SESTD1: variants seen among roughly 807,000 people sequenced by gnomAD.
The protein encoded by SESTD1 is SEC14 and spectrin domain containing 1.
A neutral mutation model predicts 101.7 loss-of-function variants in SESTD1; 43 were observed. That is an observed-to-expected ratio of 0.42 (90% CI 0.33 to 0.55). SESTD1 has a LOEUF of 0.55. Among genes scored for constraint, SESTD1 ranks in the 20% least tolerant of loss-of-function variants. The pLI is 0.07. For missense variants in SESTD1, 647 were observed against 815.1 expected, an observed-to-expected ratio of 0.79 and a Z score of 2.51; for synonymous variants, 283 against 286.8, an observed-to-expected ratio of 0.99 and a Z score of 0.13.
At chr2:179,229,366 C>T (rs2046940889) in intron 1 of SESTD1, among the ~76,000 whole-genome samples, 1 of 151,928 alleles carries the variant, frequency 6.6e-6, no homozygotes, top group South Asian at 2.1e-4. Context: ...TTTCTCCTAC[C>T]CTTGGGCTGG....
chr2:179,142,229 G>C (rs569353381), intron 9 of SESTD1, among the ~76,000 whole-genome samples: 1 of 152,170 alleles, frequency 6.6e-6, no homozygotes, highest in Admixed American at 6.5e-5. Flanking sequence ...AAGACCGTAT[G>C]GTCCACAAAG....
intron 4 of SESTD1, among the ~76,000 whole-genome samples, chr2:179,172,578 G>T (rs1003273373): frequency 1.3e-5 from 2 of 152,088 alleles, no homozygotes; most frequent in African/African-American, 2.4e-5. Context: ...TCTACAGTAT[G>T]AAAAATTTTT....
chr2:179,171,532 A>T (rs760205071), intron 5 of SESTD1, among the ~76,000 whole-genome samples: 14 of 152,164 alleles, frequency 9.2e-5, no homozygotes, highest in Non-Finnish European at 1.8e-4. Context: ...AAAGTCTGTT[A>T]TTTATCAACT....
chr2:179,159,071 G>C (rs940136776), intron 5 of SESTD1, among the ~76,000 whole-genome samples: 1 of 152,146 alleles, frequency 6.6e-6, no homozygotes, highest in African/African-American at 2.4e-5. Context: ...CATTCTTTTA[G>C]AAAAAGAATG....
intron 4 of SESTD1, among the ~76,000 whole-genome samples, chr2:179,173,028 CCT>C (rs2045952500): frequency 1.3e-5 from 2 of 152,174 alleles, no homozygotes; most frequent in African/African-American, 4.8e-5. Context: ...AGCTCAGGCC[CCT>C]GTTGGCCTCT....
intron 1 of SESTD1, among the ~76,000 whole-genome samples, chr2:179,193,089 C>T (rs1030426266): frequency 6.6e-6 from 1 of 151,994 alleles, no homozygotes; most frequent in African/African-American, 2.4e-5. Context: ...CCAGAAACAG[C>T]CCTGCTCTAG....
rs187324258 is a variant in SESTD1 at position 179,130,982 on chromosome 2, G to T, written c.972+1322C>A. On this transcript the variant is annotated intron_variant, in intron 10 of 17. Coordinates refer to ENST00000428443, the MANE Select transcript of SESTD1 (RefSeq NM_178123.5). ...AGGAAGAACCATTATGTTGGAACCT[G>T]TGAAATGCATAAAATAAATCGATTT... Among the ~76,000 whole-genome samples the T allele has an allele frequency of 2.0e-3, 307 of 151,086 alleles. 1 individual carries two copies. Among genetic ancestry groups the T allele is most frequent in the African/African-American group, 7.0e-3 (285 of 40,526 alleles).
At position 179,116,777 on chromosome 2, in the gene SESTD1, A is replaced by T; in HGVS notation, c.1538T>A (p.Leu513Gln). 1 of 1,613,946 alleles carries T rather than the reference A, an allele frequency of 6.2e-7. No individual in the cohort carries two copies. Among genetic ancestry groups the T allele is most frequent in the Non-Finnish European group, 8.5e-7 (1 of 1,179,854 alleles). The change falls in exon 15 of 18, where the codon CTA becomes CAA. Residue 513 changes from leucine (L) to glutamine (Q), a missense_variant. Leu to Gln is a moderately radical substitution (Grantham distance 113). Around this residue, in one of 3 missense-constraint regions of SESTD1, gnomAD observed 476 missense variants for 562.6 expected, o/e 0.85. Coordinates refer to ENST00000428443, the MANE Select transcript of SESTD1 (RefSeq NM_178123.5). ...EEDAAQAVEW[L>Q]SELLDALLKT... The stretch of plus-strand genomic sequence containing the variant: ...AAGCAGAGCATCCAGAAGTTCACTT[A>T]GCCATTCTACTGCCTAAACAAAAAG...
intron 1 of SESTD1, among the ~76,000 whole-genome samples, chr2:179,243,564 A>G (rs2047185134): frequency 6.6e-6 from 1 of 152,218 alleles, no homozygotes; most frequent in Non-Finnish European, 1.5e-5. Flanking sequence ...GTACCATGGA[A>G]TACTATGTAG....
In SESTD1 at chr2:179,146,382, A is replaced by T. The variant is rs766386055; in HGVS notation, c.637+20T>A. 2.5e-6 allele frequency: 4 copies of T among 1,590,584 alleles called. No individual in the cohort carries two copies. In the Admixed American group the frequency reaches 5.1e-5, roughly 20 times the overall value. ...AATTGGTTTACTGGATTATTATCAC[A>T]AATATTTTTTAAATCTTACCTGTCT... is the stretch of plus-strand genomic sequence containing the variant. On this transcript the variant is annotated intron_variant, in intron 8 of 17. Coordinates refer to ENST00000428443, the MANE Select transcript of SESTD1 (RefSeq NM_178123.5).
chr2:179,183,068 C>A lies in SESTD1; in HGVS notation c.164+12G>T. 1 of 1,567,740 alleles carries A rather than the reference C, an allele frequency of 6.4e-7. No individual in the cohort carries two copies. Among genetic ancestry groups the A allele is most frequent in the Non-Finnish European group, 8.7e-7 (1 of 1,151,642 alleles). ...CATACTGAGATTTAAGAAAAGACACCTTTAGAGTCACCTTGGAATGCTGAG... is the reference window on the plus strand; with the variant it reads ...CATACTGAGATTTAAGAAAAGACACATTTAGAGTCACCTTGGAATGCTGAG... On this transcript the variant is annotated intron_variant, in intron 3 of 17. Transcript: ENST00000428443.
chr2:179,102,479 C>T lies in SESTD1; in HGVS notation c.*7420G>A, dbSNP rs2044292533. The T allele has an allele frequency of 6.6e-6, 1 of 151,956 alleles. No homozygotes were observed. Among genetic ancestry groups the T allele is most frequent in the African/African-American group, 2.4e-5 (1 of 41,356 alleles). 9.4% of individuals were successfully genotyped at this position (151,956 alleles called of 1,614,324 possible). On this transcript the variant is annotated 3_prime_UTR_variant, in exon 18 of 18. Transcript: ENST00000428443. ...AAATCAAACTTATTGTCCAAAGTGA[C>T]AATATATCAAAGAAATACATACCAA...
At position 179,104,061 on chromosome 2, in the gene SESTD1, A is replaced by C. The variant is rs938995052; in HGVS notation, c.*5838T>G. 2 of 152,158 alleles carry C rather than the reference A, an allele frequency of 1.3e-5. No individual in the cohort carries two copies. Among genetic ancestry groups the C allele is most frequent in the African/African-American group, 2.4e-5 (1 of 41,440 alleles). The allele number at this position is 152,158 out of a possible 1,614,324, so 9.4% of individuals were successfully genotyped here. The stretch of plus-strand genomic sequence containing the variant: ...TTTAATGTATTTGATAATTTTCATA[A>C]CAAGATGTTGGGTAAAAATACAGGG... On this transcript the variant is annotated 3_prime_UTR_variant, in exon 18 of 18. Coordinates refer to ENST00000428443, the MANE Select transcript of SESTD1 (RefSeq NM_178123.5).
chr2:179,179,974 C>A (rs2046078547), intron 3 of SESTD1, among the ~76,000 whole-genome samples: 1 of 152,136 alleles, frequency 6.6e-6, no homozygotes, highest in African/African-American at 2.4e-5. Flanking sequence ...GTAGGGTCTG[C>A]CTCTCCTTTC....
intron 1 of SESTD1, among the ~76,000 whole-genome samples, chr2:179,255,402 G>A (rs1170322609): frequency 6.6e-6 from 1 of 152,196 alleles, no homozygotes; most frequent in East Asian, 1.9e-4. Flanking sequence ...TGATAAGAAA[G>A]TGAAACAGCC....
intron 13 of SESTD1, among the ~76,000 whole-genome samples, chr2:179,118,603 TA>T (rs1488385101): frequency 1.3e-5 from 2 of 152,168 alleles, no homozygotes; most frequent in African/African-American, 4.8e-5. Context: ...AACATGACAT[TA>T]AAATTCAACT....
chr2:179,157,210 AGAAATCACAGAT>A (rs2045649097), intron 5 of SESTD1, among the ~76,000 whole-genome samples: 1 of 152,202 alleles, frequency 6.6e-6, no homozygotes, highest in South Asian at 2.1e-4. Flanking sequence ...CACTGCTGAA[AGAAATCACAGAT>A]GACACAAACA....
Position 179,223,290 on chromosome 2 carries a change from G to A in SESTD1, c.-25-31424C>T, listed in dbSNP as rs915453252. Among the ~76,000 whole-genome samples the A allele has an allele frequency of 2.6e-5, 4 of 152,258 alleles. No homozygotes were observed. In the East Asian group the frequency reaches 7.7e-4, roughly 29 times the overall value. The stretch of plus-strand genomic sequence containing the variant: ...TGCCTAGGGCTGGAGTGGGTATGGA[G>A]AGTGACTGGTAATAGACACTAAGTT... On this transcript the variant is annotated intron_variant, in intron 1 of 17. Transcript: ENST00000428443.
Position 179,125,378 on chromosome 2 carries a change from T to C in SESTD1, c.973-820A>G, listed in dbSNP as rs940665293. On this transcript the variant is annotated intron_variant, in intron 10 of 17. Coordinates refer to ENST00000428443, the MANE Select transcript of SESTD1 (RefSeq NM_178123.5). ...AAGGCTATAACCACCTCCCAGCATA[T>C]AACCCATGCCCCTGCCTGGCTTTCT... is the stretch of plus-strand genomic sequence containing the variant. 5.3e-5 allele frequency among the ~76,000 whole-genome samples: 8 copies of C among 152,298 alleles called. 1 individual carries two copies. In the South Asian group the frequency reaches 1.7e-3, roughly 32 times the overall value.
Sources: gnomAD v4.1 joint callset for allele counts (sites outside exome capture counted in the v4.1 genomes callset) on GRCh38, gnomAD v4.1.1 for gene constraint, gnomAD v4.1.1 regional missense constraint, MANE v1.5 for transcripts, NCBI Gene and HGNC (gene_info 2026-07-23, HGNC 2026-07-21) for gene names.